MYO9B: variants seen among roughly 807,000 people sequenced by gnomAD.
MYO9B encodes myosin IXB, also known as unconventional myosin-IXb.
In MYO9B, 71 loss-of-function variants were observed where a neutral mutation model predicts 229.5. That is an observed-to-expected ratio of 0.31 (90% CI 0.26 to 0.38). The LOEUF (loss-of-function observed/expected upper bound fraction) is 0.38, where lower values mean the gene tolerates loss of function less well. Ranked by LOEUF, MYO9B falls within the 10% of genes least tolerant of loss-of-function variation. MYO9B has a pLI of 1.00. For missense variants in MYO9B, 2,255 were observed against 2,920.5 expected, an observed-to-expected ratio of 0.77 and a Z score of 5.25; for synonymous variants, 1,185 against 1,235.8, an observed-to-expected ratio of 0.96 and a Z score of 0.86.
intron 7 of MYO9B, 187 bp downstream of exon 7, chr19:17,157,225 C>T (rs1307021793): frequency 1.6e-6 from 1 of 637,830 alleles, no homozygotes; most frequent in South Asian, 2.5e-5. Flanking sequence ...GACAGGGGCA[C>T]CTCCTCCTCC....
At position 17,101,892 on chromosome 19, in the gene MYO9B, G is replaced by A. The variant is rs552671478; in HGVS notation, c.175G>A (p.Gly59Ser). The A allele has an allele frequency of 6.2e-6, 10 of 1,613,502 alleles. No individual in the cohort carries two copies. The highest frequency in any genetic ancestry group is 2.2e-5 in the East Asian group (1 of 44,866). The change falls in exon 2 of 40, where the codon GGC (glycine) becomes AGC (serine). Residue 59 changes from glycine to serine, a missense_variant. This residue lies in a region of MYO9B where 386 missense variants were observed against 515.2 expected (regional missense o/e 0.75). Transcript: ENST00000682292. The surrounding 1 kb of genome is among the most constrained non-coding windows in gnomAD (Gnocchi z 4.7). ...KDAIASLRLD[G>S]TKCYVLVEVK... The stretch of plus-strand genomic sequence containing the variant: ...CGCCATTGCCAGCCTGCGGCTGGAC[G>A]GCACCAAATGTTATGTGCTGGTGGA...
chr19:17,098,970 C>A (rs2057718348), intron 1 of MYO9B, among the ~76,000 whole-genome samples: 2 of 88,386 alleles, frequency 2.3e-5, no homozygotes, highest in South Asian at 8.9e-4. Flanking sequence ...GGGCGACCCT[C>A]TCTCTTAGGA....
chr19:17,171,994 C>T (rs77904645), intron 11 of MYO9B, among the ~76,000 whole-genome samples: 6,695 of 152,250 alleles, frequency 0.044, 197 homozygotes, highest in Non-Finnish European at 0.065. Flanking sequence ...TCACTTCACC[C>T]TCAGCCTCCT....
intron 1 of MYO9B, among the ~76,000 whole-genome samples, chr19:17,097,970 A>G (rs2057708582): frequency 6.6e-6 from 1 of 152,132 alleles, no homozygotes; most frequent in East Asian, 1.9e-4. Flanking sequence ...ATTTATAAAA[A>G]CAGGTGGTGG....
At chr19:17,078,819 G>A (rs1020299331) in intron 1 of MYO9B, among the ~76,000 whole-genome samples, 8 of 152,204 alleles carry the variant, frequency 5.3e-5, no homozygotes, top group Middle Eastern at 3.2e-3. Flanking sequence ...TCTGCCAACC[G>A]GCAGTGCGAG....
intron 2 of MYO9B, among the ~76,000 whole-genome samples, chr19:17,129,462 C>G (rs1167935794): frequency 1.3e-5 from 2 of 152,194 alleles, no homozygotes; most frequent in Admixed American, 6.5e-5. Context: ...GAGCAGCCCA[C>G]TCTGTCCAGG....
intron 14 of MYO9B, among the ~76,000 whole-genome samples, chr19:17,176,426 C>T (rs1317249623): frequency 6.6e-6 from 1 of 152,224 alleles, no homozygotes. Context: ...CTGCCTCAGC[C>T]TCCCAAAGTG....
chr19:17,154,353 T>G lies in MYO9B; in HGVS notation c.1137T>G (p.His379Gln). The change falls in exon 6 of 40, where the codon CAT becomes CAG. Residue 379 changes from histidine (H) to glutamine (Q), a missense_variant. Coordinates refer to ENST00000682292, the MANE Select transcript of MYO9B (RefSeq NM_004145.4). ...TTGAAGATGGGGAGGACCTGAAGCA[T>G]GACTTTGAGAGGCTCAAGCAGGCCA... Reference protein sequence around the residue: ...LKIEDGEDLKHDFERLKQAME... With the variant: ...LKIEDGEDLKQDFERLKQAME... 1 of 1,613,200 alleles carries G rather than the reference T, an allele frequency of 6.2e-7. No individual in the cohort carries two copies. The highest frequency in any genetic ancestry group is 8.5e-7 in the Non-Finnish European group (1 of 1,179,340).
intron 3 of MYO9B, among the ~76,000 whole-genome samples, chr19:17,146,197 GGATGGATGGATGGATC>G (rs1433911560): frequency 2.9e-5 from 4 of 138,984 alleles, no homozygotes; most frequent in African/African-American, 8.2e-5. Flanking sequence ...ATGGATGGAT[GGATGGATGGATGGATC>G]GATGGATTGA....
At chr19:17,097,012 TAG>T (rs1206119452) in intron 1 of MYO9B, among the ~76,000 whole-genome samples, 1 of 151,494 alleles carries the variant, frequency 6.6e-6, no homozygotes, top group African/African-American at 2.4e-5. Flanking sequence ...TTTTAAGAAA[TAG>T]AGTCTCTGCC....
At chr19:17,118,296 T>A (rs76526930) in intron 2 of MYO9B, among the ~76,000 whole-genome samples, 8,237 of 151,726 alleles carry the variant, frequency 0.054, 266 homozygotes, top group South Asian at 0.11. Flanking sequence ...GCAGTGGTAA[T>A]TCAGAAGCCA....
intron 7 of MYO9B, among the ~76,000 whole-genome samples, chr19:17,158,093 C>T (rs755463641): frequency 1.3e-5 from 2 of 152,198 alleles, no homozygotes; most frequent in Non-Finnish European, 2.9e-5. Flanking sequence ...CCACAGCGCA[C>T]AGGACAGCCC....
intron 2 of MYO9B, among the ~76,000 whole-genome samples, chr19:17,110,440 C>G (rs777698132): frequency 9.9e-5 from 15 of 152,140 alleles, no homozygotes; most frequent in Non-Finnish European, 2.1e-4. Context: ...GCCATGGGGT[C>G]TCGCCGCAAA....
At chr19:17,140,606 A>G (rs984756335) in intron 2 of MYO9B, among the ~76,000 whole-genome samples, 1 of 151,708 alleles carries the variant, frequency 6.6e-6, no homozygotes, top group African/African-American at 2.4e-5. Flanking sequence ...CTCCTGCCTC[A>G]GCCTCCTGAG....
At chr19:17,105,806 T>C (rs956584463) in intron 2 of MYO9B, among the ~76,000 whole-genome samples, 6 of 152,168 alleles carry the variant, frequency 3.9e-5, no homozygotes, top group African/African-American at 9.7e-5. Context: ...AAGACATTAA[T>C]TGGGGTCATA....
chr19:17,134,381 G>GTTTTTT lies in MYO9B; in HGVS notation c.841-10993_841-10988dup, dbSNP rs869297825. 6.0e-4 allele frequency among the ~76,000 whole-genome samples: 28 copies of GTTTTTT among 46,476 alleles called. 1 individual carries two copies. Among genetic ancestry groups the GTTTTTT allele is most frequent in the South Asian group, 2.1e-3 (2 of 956 alleles). 30.5% of individuals were successfully genotyped at this position (46,476 alleles called of 152,430 possible). On this transcript the variant is annotated intron_variant, in intron 2 of 39. Coordinates refer to ENST00000682292, the MANE Select transcript of MYO9B (RefSeq NM_004145.4). ...CTTTGTTTTTTTTTTCGTTTTGTTT[G>GTTTTTT]TTTTTTTTTTTTTTTTTTTTTTTTT...
chr19:17,094,075 C>G (rs1314108784), intron 1 of MYO9B, among the ~76,000 whole-genome samples: 2 of 140,698 alleles, frequency 1.4e-5, no homozygotes. Context: ...TTGCTCTGTT[C>G]CCCGGGCTGG....
At chr19:17,173,016 A>G (rs1478356389) in intron 13 of MYO9B, 53 bp downstream of exon 13, 6 of 1,571,674 alleles carry the variant, frequency 3.8e-6, no homozygotes, top group Non-Finnish European at 4.3e-6. Flanking sequence ...AGGGGGGCAC[A>G]TCCTGAGTTC....
intron 26 of MYO9B, among the ~76,000 whole-genome samples, chr19:17,201,539 A>G (rs1191516101): frequency 1.3e-5 from 2 of 152,118 alleles, no homozygotes; most frequent in Non-Finnish European, 2.9e-5. Flanking sequence ...GTGGGGCAGC[A>G]GGAAGGGCCT....
Sources: allele counts gnomAD v4.1 joint callset (sites outside exome capture counted in the v4.1 genomes callset), GRCh38; gene constraint gnomAD v4.1.1; regional missense constraint gnomAD v4.1.1; non-coding constraint Gnocchi (gnomAD v3.1); transcripts MANE v1.5; gene names NCBI Gene and HGNC (gene_info 2026-07-23, HGNC 2026-07-21).